DAB1: variants seen among roughly 807,000 people sequenced by gnomAD.
The protein encoded by DAB1 is disabled homolog 1.
Under a neutral mutation model 64.6 loss-of-function variants are expected in DAB1, and 15 were observed. That is an observed-to-expected ratio of 0.23 (90% CI 0.16 to 0.36). DAB1 has a LOEUF of 0.36. Ranked by LOEUF, DAB1 falls within the 10% of genes least tolerant of loss-of-function variation. The pLI, the probability that DAB1 is intolerant of heterozygous loss-of-function variation, is 1.00. For missense variants in DAB1, 596 were observed against 706.7 expected (o/e 0.84, Z 1.78); for synonymous variants, 235 against 251.9 (o/e 0.93, Z 0.64).
chr1:58,286,576 A>G (rs1661689243), intron 4 of DAB1, among the ~76,000 whole-genome samples: 1 of 152,256 alleles, frequency 6.6e-6, no homozygotes, highest in Non-Finnish European at 1.5e-5. Flanking sequence ...AAAGATCAAC[A>G]TCACTGACTA....
At chr1:57,491,367 G>A (rs1644161847) in intron 7 of DAB1, among the ~76,000 whole-genome samples, 1 of 152,280 alleles carries the variant, frequency 6.6e-6, no homozygotes, top group Admixed American at 6.5e-5. Context: ...GGCGGAGCTT[G>A]CAGTGAGCCG....
intron 3 of DAB1, among the ~76,000 whole-genome samples, chr1:58,361,128 C>T (rs939793195): frequency 8.5e-5 from 13 of 152,346 alleles, no homozygotes; most frequent in African/African-American, 2.6e-4. Context: ...GTGTGTACCA[C>T]GATTGCTGTG....
At chr1:57,636,182 C>T (rs941492505) in intron 7 of DAB1, among the ~76,000 whole-genome samples, 20 of 151,794 alleles carry the variant, frequency 1.3e-4, no homozygotes, top group African/African-American at 4.8e-5. Flanking sequence ...ATTCTCTACC[C>T]GAGTGTGCAC....
At chr1:57,230,792 A>T (rs892540544) in intron 2 of DAB1, among the ~76,000 whole-genome samples, 1 of 152,162 alleles carries the variant, frequency 6.6e-6, no homozygotes, top group Non-Finnish European at 1.5e-5. Context: ...CTATTTTGAA[A>T]TATATAATAA....
intron 2 of DAB1, among the ~76,000 whole-genome samples, chr1:57,269,393 C>T (rs1441720905): frequency 6.6e-6 from 1 of 152,056 alleles, no homozygotes; most frequent in Admixed American, 6.6e-5. Context: ...GATCCCATCT[C>T]AAAGATGCCA....
At chr1:57,374,891 C>G (rs543605017) in intron 1 of DAB1, among the ~76,000 whole-genome samples, 66 of 152,292 alleles carry the variant, frequency 4.3e-4, no homozygotes, top group African/African-American at 1.5e-3. Context: ...CCCTTTTGAG[C>G]AGGAAGGCTG....
At chr1:57,570,666 T>A (rs1174592106) in intron 7 of DAB1, among the ~76,000 whole-genome samples, 2 of 152,172 alleles carry the variant, frequency 1.3e-5, no homozygotes, top group African/African-American at 2.4e-5. Context: ...GGCTCTTTTT[T>A]AATTCCATAT....
At chr1:58,119,578 T>C (rs1331792899) in intron 5 of DAB1, among the ~76,000 whole-genome samples, 2 of 152,104 alleles carry the variant, frequency 1.3e-5, no homozygotes, top group African/African-American at 2.4e-5. Context: ...CTAGCTATGA[T>C]GGACAGAGCA....
At chr1:57,180,866 G>A (rs116031521) in intron 2 of DAB1, among the ~76,000 whole-genome samples, 1 of 152,296 alleles carries the variant, frequency 6.6e-6, no homozygotes, top group African/African-American at 2.4e-5. Context: ...GTCTCCTGTA[G>A]AAGAAGTAAC....
intron 1 of DAB1, among the ~76,000 whole-genome samples, chr1:57,866,036 A>G (rs1014245970): frequency 3.3e-5 from 5 of 152,198 alleles, no homozygotes; most frequent in Non-Finnish European, 7.3e-5. Context: ...TCTCTTTCAT[A>G]GGGGCACTGA....
At chr1:57,469,003 C>T (rs924011311) in intron 7 of DAB1, among the ~76,000 whole-genome samples, 1 of 152,150 alleles carries the variant, frequency 6.6e-6, no homozygotes, top group Admixed American at 6.5e-5. Flanking sequence ...GAGGATTAAT[C>T]ATGTTAGTGA....
At chr1:57,756,660 C>G (rs574778061) in intron 6 of DAB1, among the ~76,000 whole-genome samples, 1 of 150,756 alleles carries the variant, frequency 6.6e-6, no homozygotes, top group Non-Finnish European at 1.5e-5. Context: ...AGGCCACTTC[C>G]GTACTGCAGG....
At chr1:58,063,077 C>T (rs1226438212) in intron 5 of DAB1, among the ~76,000 whole-genome samples, 1 of 152,198 alleles carries the variant, frequency 6.6e-6, no homozygotes, top group South Asian at 2.1e-4. Flanking sequence ...CAACATTGTC[C>T]TCACTACCTG....
At chr1:57,356,771 T>A (rs1679142663) in intron 1 of DAB1, among the ~76,000 whole-genome samples, 1 of 152,056 alleles carries the variant, frequency 6.6e-6, no homozygotes, top group East Asian at 1.9e-4. Flanking sequence ...TTTGGGGGAC[T>A]GATACCATCC....
Position 57,820,882 on chromosome 1 carries a change from T to C in DAB1, n.551+63117A>G, listed in dbSNP as rs144618726. 1.7e-3 allele frequency among the ~76,000 whole-genome samples: 260 copies of C among 152,350 alleles called. 1 individual carries two copies. The highest frequency in any genetic ancestry group is 3.0e-3 in the Non-Finnish European group (201 of 68,030). On this transcript the variant is annotated intron_variant and non_coding_transcript_variant, in intron 6 of 20. Coordinates refer to the DAB1 transcript ENST00000485760. ...ATTGCTGATATTGCTCAATAGCTTA[T>C]GAGCCTCCCAGATATAAAGAGAACA...
At chr1:57,351,807 C>A (rs1403520335) in intron 1 of DAB1, among the ~76,000 whole-genome samples, 1 of 152,040 alleles carries the variant, frequency 6.6e-6, no homozygotes, top group Non-Finnish European at 1.5e-5. Flanking sequence ...ACATCCCAGT[C>A]TCCTGACAAT....
At chr1:57,378,286 C>T (rs1681072808) in intron 1 of DAB1, among the ~76,000 whole-genome samples, 1 of 152,168 alleles carries the variant, frequency 6.6e-6, no homozygotes, top group Non-Finnish European at 1.5e-5. Flanking sequence ...TATTATCACC[C>T]ACATTCCCAA....
intron 1 of DAB1, among the ~76,000 whole-genome samples, chr1:57,380,434 T>C (rs1397636032): frequency 6.6e-6 from 1 of 152,242 alleles, no homozygotes; most frequent in Non-Finnish European, 1.5e-5. Context: ...TACTACTTTG[T>C]ACTTTTTACC....
intron 5 of DAB1, among the ~76,000 whole-genome samples, chr1:58,109,719 C>T (rs930572273): frequency 3.3e-5 from 5 of 151,598 alleles, no homozygotes; most frequent in African/African-American, 4.9e-5. Context: ...CCAAAGCACA[C>T]GGCAAGAAGT....
Sources: gnomAD v4.1 joint callset for allele counts (sites outside exome capture counted in the v4.1 genomes callset) on GRCh38, gnomAD v4.1.1 for gene constraint, MANE v1.5 for transcripts, NCBI Gene and HGNC (gene_info 2026-07-23, HGNC 2026-07-21) for gene names.